Variants in BBS4 observed in about 807,000 individuals in gnomAD.
The protein encoded by BBS4 is Bardet-Biedl syndrome 4.
Under a neutral mutation model 71.4 loss-of-function variants are expected in BBS4, and 58 were observed. The observed-to-expected ratio is 0.81, with a 90% CI of 0.66 to 1.01. BBS4 has a LOEUF of 1.01. Among genes scored for constraint, BBS4 ranks in the 50% least tolerant of loss-of-function variants. The probability of loss-of-function intolerance (pLI) is 0.00; values close to 1 mark genes in which losing one functional copy is unlikely to be tolerated. For missense variants in BBS4, 660 were observed against 607.9 expected (o/e 1.09, Z -0.90); for synonymous variants, 228 against 216.8 (o/e 1.05, Z -0.46).
Position 72,731,701 on chromosome 15 carries a change from G to A in BBS4, c.1011G>A (p.Met337Ile), listed in dbSNP as rs1215271289. The A allele has an allele frequency of 6.2e-7, 1 of 1,614,044 alleles. No individual in the cohort carries two copies. The highest frequency in any genetic ancestry group is 8.5e-7 in the Non-Finnish European group (1 of 1,180,050). ...LSAAINFQPK[M>I]GELYMLLAVA... ...CGGCCATCAACTTCCAGCCAAAGAT[G>A]GGGGAGCTCTACATGCTCTTGGCAG... The change falls in exon 12 of 16, where the codon ATG (methionine) becomes ATA (isoleucine). Residue 337 changes from methionine (M) to isoleucine (I), a missense_variant. Physicochemically the swap from Met to Ile is conservative, Grantham distance 10 (BLOSUM62 1). Transcript: ENST00000268057.
intron 6 of BBS4, 34 bp downstream of exon 6, chr15:72,716,884 T>C: frequency 7.1e-7 from 1 of 1,407,582 alleles, no homozygotes; most frequent in Non-Finnish European, 1.0e-6. Flanking sequence ...TTCTTATTAG[T>C]AAACTTGCTA....
chr15:72,714,386 C>T (rs900729507), intron 4 of BBS4, among the ~76,000 whole-genome samples: 2 of 152,036 alleles, frequency 1.3e-5, no homozygotes, highest in Non-Finnish European at 1.5e-5. Context: ...CCACCATGTC[C>T]AGCTAGTTTT....
chr15:72,728,856 T>A (rs569321340), intron 9 of BBS4, among the ~76,000 whole-genome samples: 2 of 152,308 alleles, frequency 1.3e-5, no homozygotes, highest in East Asian at 3.9e-4. Context: ...GGTCAGCTGA[T>A]TCTGCCTCCA....
rs369551927 is a variant in BBS4, at chr15:72,709,782, A to G, written c.156+3A>G. On this transcript the variant is annotated splice_donor_region_variant and intron_variant, in intron 3 of 15. Transcript: ENST00000268057. ...GGAAAGATTATGAAGCCTGCAAGGT[A>G]AGAGATTGCCATAATAATAAAAATG... 6.2e-7 allele frequency: 1 copy of G among 1,610,658 alleles called. No individual in the cohort carries two copies. Among genetic ancestry groups the G allele is most frequent in the African/African-American group, 1.3e-5 (1 of 74,850 alleles).
chr15:72,731,809 G>A, intron 12 of BBS4, 83 bp downstream of exon 12: 1 of 1,522,004 alleles, frequency 6.6e-7, no homozygotes, highest in Non-Finnish European at 9.1e-7. Context: ...ATCAGTGGCT[G>A]TCTCATAGGA....
intron 2 of BBS4, among the ~76,000 whole-genome samples, chr15:72,696,199 T>A (rs1302814873): frequency 2.0e-5 from 3 of 152,236 alleles, no homozygotes; most frequent in Non-Finnish European, 2.9e-5. Context: ...GATTGTCTGA[T>A]TTCTTGGTAA....
Position 72,737,650 on chromosome 15 carries a change from G to A in BBS4, c.*63G>A, listed in dbSNP as rs1347206072. ...GCGAGGATGTGCTGGATTAGGAAAGGTGACATGACACAGGCAGAGCAGAGT... is the reference window on the plus strand; with the variant it reads ...GCGAGGATGTGCTGGATTAGGAAAGATGACATGACACAGGCAGAGCAGAGT... On this transcript the variant is annotated 3_prime_UTR_variant, in exon 16 of 16. Transcript: ENST00000268057. 2 of 1,321,498 alleles carry A rather than the reference G, an allele frequency of 1.5e-6. No homozygotes were observed. Among genetic ancestry groups the A allele is most frequent in the East Asian group, 2.5e-5 (1 of 39,714 alleles). 81.9% of individuals were successfully genotyped at this position (1,321,498 alleles called of 1,614,324 possible). A position where few individuals can be genotyped will look rare whatever the true frequency, so the allele number is the denominator to read the frequency against.
rs199931617 is a variant in BBS4, at chr15:72,688,046, C to CAA, written c.24+1817_24+1818dup. 8.9e-3 allele frequency among the ~76,000 whole-genome samples: 746 copies of CAA among 83,630 alleles called. 2 individuals are homozygous for CAA. Among genetic ancestry groups the CAA allele is most frequent in the Middle Eastern group, 0.016 (2 of 126 alleles). 54.9% of individuals were successfully genotyped at this position (83,630 alleles called of 152,430 possible). A position where few individuals can be genotyped will look rare whatever the true frequency, so the allele number is the denominator to read the frequency against. On this transcript the variant is annotated intron_variant, in intron 1 of 15. Transcript: ENST00000268057. ...TGGGTGACAGAGCAAGACTCCGTCTCAAAAAAAAAAAAAAAAAAAAAAAGA... is the reference window on the plus strand; with the variant it reads ...TGGGTGACAGAGCAAGACTCCGTCTCAAAAAAAAAAAAAAAAAAAAAAAAAGA...
At chr15:72,719,814 A>G (rs1468757177) in intron 6 of BBS4, among the ~76,000 whole-genome samples, 1 of 148,638 alleles carries the variant, frequency 6.7e-6, no homozygotes, top group African/African-American at 2.5e-5. Context: ...CAGTGGCTCA[A>G]TCTTGGCTCA....
At chr15:72,691,605 G>A (rs2064984615) in intron 1 of BBS4, among the ~76,000 whole-genome samples, 1 of 152,006 alleles carries the variant, frequency 6.6e-6, no homozygotes, top group African/African-American at 2.4e-5. Flanking sequence ...TTGTAGTAAA[G>A]TATGTCAATT....
At chr15:72,716,915 G>A in intron 6 of BBS4, 65 bp downstream of exon 6, 1 of 1,160,244 alleles carries the variant, frequency 8.6e-7, no homozygotes, top group Non-Finnish European at 1.3e-6. Context: ...TTATCATCTG[G>A]CTGTCTTATT....
chr15:72,689,863 C>T lies in BBS4; in HGVS notation c.24+3612C>T, dbSNP rs928462553. On this transcript the variant is annotated intron_variant, in intron 1 of 15. Transcript: ENST00000268057. ...TCTTGCTCTGTCGCCCAGGCTGGAGCGCAGTGGCGCGATCTCGGCTCACTG... is the reference window on the plus strand; with the variant it reads ...TCTTGCTCTGTCGCCCAGGCTGGAGTGCAGTGGCGCGATCTCGGCTCACTG... Among the ~76,000 whole-genome samples the T allele has an allele frequency of 4.6e-5, 7 of 151,844 alleles. No homozygotes were observed. The South Asian group carries it at 1.0e-3, about 23-fold the overall frequency.
At chr15:72,710,299 C>T (rs2065344929) in intron 3 of BBS4, among the ~76,000 whole-genome samples, 2 of 141,688 alleles carry the variant, frequency 1.4e-5, no homozygotes, top group South Asian at 4.7e-4. Context: ...CTCCCAGGTT[C>T]AAGCAATTCT....
chr15:72,735,242 G>A (rs2065898956), intron 13 of BBS4, 60 bp downstream of exon 13: 1 of 1,329,098 alleles, frequency 7.5e-7, no homozygotes, highest in East Asian at 2.3e-5. Flanking sequence ...CCATGAGGTG[G>A]TGCCATACAT....
chr15:72,736,302 C>A (rs976599361), intron 14 of BBS4, among the ~76,000 whole-genome samples: 1 of 139,862 alleles, frequency 7.1e-6, no homozygotes, highest in Non-Finnish European at 1.5e-5. Flanking sequence ...AGTGCAATGG[C>A]GCAATCTCAG....
intron 6 of BBS4, 154 bp downstream of exon 6, chr15:72,717,004 A>C (rs1340710784): frequency 1.5e-6 from 1 of 668,882 alleles, no homozygotes; most frequent in East Asian, 2.8e-5. Context: ...TAGGATCAAA[A>C]ACCATGTTTC....
chr15:72,686,927 G>A (rs1034409114), intron 1 of BBS4: 3 of 232,416 alleles, frequency 1.3e-5, no homozygotes, highest in Non-Finnish European at 2.6e-5. Flanking sequence ...AATGATTTTA[G>A]GTATTCGGAA....
chr15:72,718,791 G>A (rs1595931692), intron 6 of BBS4, among the ~76,000 whole-genome samples: 1 of 152,324 alleles, frequency 6.6e-6, no homozygotes, highest in East Asian at 1.9e-4. Flanking sequence ...GAAGGAAGAA[G>A]AGCAAGGTTT....
chr15:72,706,454 G>T (rs144192898), intron 2 of BBS4, among the ~76,000 whole-genome samples: 1 of 152,162 alleles, frequency 6.6e-6, no homozygotes, highest in South Asian at 2.1e-4. Context: ...TATTTATGAC[G>T]GTGCACTTTA....
Sources: gnomAD v4.1 joint callset for allele counts (sites outside exome capture counted in the v4.1 genomes callset) on GRCh38, gnomAD v4.1.1 for gene constraint, MANE v1.5 for transcripts, NCBI Gene and HGNC (gene_info 2026-07-23, HGNC 2026-07-21) for gene names.